ERBB2: variants seen among roughly 807,000 people sequenced by gnomAD.
ERBB2 encodes erb-b2 receptor tyrosine kinase 2.
Under a neutral mutation model 149.0 loss-of-function variants are expected in ERBB2, and 61 were observed. The ratio of observed to expected loss-of-function variants is 0.41; its 90% CI spans 0.33 to 0.51. The LOEUF (loss-of-function observed/expected upper bound fraction) is 0.51. Ranked by LOEUF, ERBB2 falls within the 20% of genes least tolerant of loss-of-function variation. ERBB2 has a pLI of 0.25. For missense variants in ERBB2, 1,205 were observed against 1,655.1 expected (o/e 0.73, Z 4.72); for synonymous variants, 633 against 678.8 (o/e 0.93, Z 1.05).
intron 20 of ERBB2, 25 bp downstream of exon 20, chr17:39,724,936 T>C (rs2145855762): frequency 6.2e-7 from 1 of 1,611,508 alleles, no homozygotes; most frequent in South Asian, 1.1e-5. Context: ...TCTTTGCAGG[T>C]CTCTCCGGAG....
In ERBB2 at chr17:39,727,635, G is replaced by A. The variant is rs2143276847; in HGVS notation, c.3413-54G>A. 1.9e-6 allele frequency: 3 copies of A among 1,554,344 alleles called. No individual in the cohort carries two copies. The highest frequency in any genetic ancestry group is 2.1e-5 in the Admixed American group (1 of 47,032). ...GTCCACTGTGGGGGCAGAGGGAGTGGCAGAGACACCGGGGTTCCTTCCCCT... is the reference window on the plus strand; with the variant it reads ...GTCCACTGTGGGGGCAGAGGGAGTGACAGAGACACCGGGGTTCCTTCCCCT... On this transcript the variant is annotated intron_variant, in intron 26 of 26. Transcript: ENST00000269571. This position sits in a 1 kb window ranked among gnomAD's most constrained non-coding sequence, Gnocchi z 4.3.
rs1337551062 is a variant in ERBB2 at position 39,715,472 on chromosome 17, G to A, written c.1249G>A (p.Asp417Asn). Residue 417 changes from aspartate to asparagine, a missense_variant, in exon 11 of 27, where the codon GAC becomes AAC. By Grantham distance (23) the Asp-to-Asn change is conservative. Coordinates refer to ENST00000269571, the MANE Select transcript of ERBB2 (RefSeq NM_004448.4). The stretch of plus-strand genomic sequence containing the variant: ...TTACCTATACATCTCAGCATGGCCG[G>A]ACAGCCTGCCTGACCTCAGCGTCTT... The part of the protein sequence containing the change: ...TGYLYISAWP[D>N]SLPDLSVFQN... 6.2e-7 allele frequency: 1 copy of A among 1,614,144 alleles called. No individual in the cohort carries two copies. Among genetic ancestry groups the A allele is most frequent in the Non-Finnish European group, 8.5e-7 (1 of 1,180,038 alleles).
chr17:39,694,142 C>T (rs1430918072), upstream of ERBB2, among the ~76,000 whole-genome samples: 2 of 126,430 alleles, frequency 1.6e-5, no homozygotes, highest in African/African-American at 3.0e-5. Flanking sequence ...TGCAGTGAGC[C>T]GACATCATGC....
At chr17:39,691,117 C>T (rs977306114), upstream of ERBB2, among the ~76,000 whole-genome samples, 3 of 151,910 alleles carry the variant, frequency 2.0e-5, no homozygotes, top group Non-Finnish European at 4.4e-5. Flanking sequence ...GGTAGAGAGT[C>T]TACAATGTGG....
chr17:39,725,888 G>A lies in ERBB2; in HGVS notation c.2872+35G>A, dbSNP rs767443815. 6.2e-7 allele frequency: 1 copy of A among 1,611,726 alleles called. No homozygotes were observed. Among genetic ancestry groups the A allele is most frequent in the Non-Finnish European group, 8.5e-7 (1 of 1,179,290 alleles). On this transcript the variant is annotated intron_variant, in intron 23 of 26. Coordinates refer to ENST00000269571, the MANE Select transcript of ERBB2 (RefSeq NM_004448.4). The surrounding 1 kb of genome is among the most constrained non-coding windows in gnomAD (Gnocchi z 4.6). ...TGAGCTGTGCTGGCTGCCTGGAGGA[G>A]GGTGGGAGGTCCTGGGTGGAGGAGC...
chr17:39,704,882 G>A (rs1201646050), intron 1 of ERBB2, among the ~76,000 whole-genome samples: 1 of 152,160 alleles, frequency 6.6e-6, no homozygotes, highest in East Asian at 1.9e-4. Flanking sequence ...CCTCCGTAGA[G>A]CCTGTGGTGT....
upstream of ERBB2, among the ~76,000 whole-genome samples, chr17:39,691,611 AC>A: frequency 6.9e-6 from 1 of 145,686 alleles, no homozygotes; most frequent in Non-Finnish European, 1.5e-5. Flanking sequence ...ATACCCTCTA[AC>A]CCAGGAATTT....
intron 19 of ERBB2, among the ~76,000 whole-genome samples, chr17:39,724,449 G>A (rs1280561998): frequency 1.3e-5 from 2 of 151,654 alleles, no homozygotes; most frequent in African/African-American, 2.4e-5. Context: ...TAGTAGAGAT[G>A]GGATTTCACC....
chr17:39,723,582 G>A lies in ERBB2; in HGVS notation c.2130G>A (p.Ala710=), dbSNP rs750389304. Reference sequence around the variant, plus strand: ...CTAGCGGAGCGATGCCCAACCAGGCGCAGATGCGGATCCTGAAAGAGACGG... The same window carrying A: ...CTAGCGGAGCGATGCCCAACCAGGCACAGATGCGGATCCTGAAAGAGACGG... ...LTPSGAMPNQ[A]QMRILKETEL... Residue 710 remains alanine (A), a synonymous_variant, in exon 18 of 27, where the codon GCG becomes GCA. Transcript: ENST00000269571. This position sits in a 1 kb window ranked among gnomAD's most constrained non-coding sequence, Gnocchi z 6.2. 1.1e-5 allele frequency: 17 copies of A among 1,609,518 alleles called. No individual in the cohort carries two copies. The highest frequency in any genetic ancestry group is 1.0e-4 in the South Asian group (9 of 90,398).
At chr17:39,718,336 C>T (rs751143905) in intron 15 of ERBB2, among the ~76,000 whole-genome samples, 20 of 152,158 alleles carry the variant, frequency 1.3e-4, no homozygotes, top group South Asian at 4.1e-4. Flanking sequence ...ACAAAGCCAA[C>T]GTGCCCTTTC....
Position 39,715,206 on chromosome 17 carries a change from G to A in ERBB2, c.1149-80G>A. 4 of 1,170,074 alleles carry A rather than the reference G, an allele frequency of 3.4e-6. No individual in the cohort carries two copies. The South Asian group carries it at 3.8e-5, about 11-fold the overall frequency. 72.5% of individuals were successfully genotyped at this position (1,170,074 alleles called of 1,614,324 possible). A position where few individuals can be genotyped will look rare whatever the true frequency, so the allele number is the denominator to read the frequency against. ...GTTTGAGTGAAGGCATTCATGGTGG[G>A]GAGTGGCTGGCATGGCCAGTGCTGG... On this transcript the variant is annotated intron_variant, in intron 9 of 26. Transcript: ENST00000269571.
chr17:39,689,773 T>A (rs2057651429), intron 2 of ERBB2, among the ~76,000 whole-genome samples: 1 of 151,854 alleles, frequency 6.6e-6, no homozygotes, highest in Non-Finnish European at 1.5e-5. Flanking sequence ...GGTGTGGTGG[T>A]GCATGCCTGT....
In ERBB2 at chr17:39,715,318, C is replaced by G. The variant is rs772548631; in HGVS notation, c.1181C>G (p.Pro394Arg). The G allele has an allele frequency of 6.2e-7, 1 of 1,614,098 alleles. No individual in the cohort carries two copies. The highest frequency in any genetic ancestry group is 8.5e-7 in the Non-Finnish European group (1 of 1,179,956). Residue 394 changes from proline (P) to arginine (R), a missense_variant, in exon 10 of 27, where the codon CCA becomes CGA. Physicochemically the swap from Pro to Arg is moderately radical, Grantham distance 103. Around this residue, in one of 6 missense-constraint regions of ERBB2, gnomAD observed 569 missense variants for 803.5 expected, o/e 0.71. Coordinates refer to ENST00000269571, the MANE Select transcript of ERBB2 (RefSeq NM_004448.4). ...DPASNTAPLQ[P>R]EQLQVFETLE... ...GCCTCCAACACTGCCCCGCTCCAGC[C>G]AGAGCAGCTCCAAGTGTTTGAGACT...
In ERBB2 at chr17:39,728,012, C is replaced by G. The variant is rs1185738894; in HGVS notation, c.3736C>G (p.Pro1246Ala). The change falls in exon 27 of 27, where the codon CCA (proline) becomes GCA (alanine). Residue 1246 changes from proline (P) to alanine (A), a missense_variant. Coordinates refer to ENST00000269571, the MANE Select transcript of ERBB2 (RefSeq NM_004448.4). The part of the protein sequence containing the change: ...TFKGTPTAEN[P>A]EYLGLDVPV ...CAAAGGGACACCTACGGCAGAGAAC[C>G]CAGAGTACCTGGGTCTGGACGTGCC... The G allele has an allele frequency of 6.2e-7, 1 of 1,607,782 alleles. No individual in the cohort carries two copies. The highest frequency in any genetic ancestry group is 8.5e-7 in the Non-Finnish European group (1 of 1,178,406).
In ERBB2 at chr17:39,700,314, G is replaced by T; in HGVS notation, c.73+3G>T. The T allele has an allele frequency of 7.1e-7, 1 of 1,409,242 alleles. No homozygotes were observed. The highest frequency in any genetic ancestry group is 1.5e-5 in the South Asian group (1 of 65,872). The allele number at this position is 1,409,242 out of a possible 1,614,324, so 87.3% of individuals were successfully genotyped here. A position where few individuals can be genotyped will look rare whatever the true frequency, so the allele number is the denominator to read the frequency against. On this transcript the variant is annotated splice_donor_region_variant and intron_variant, in intron 1 of 26. Transcript: ENST00000269571. ...CCCCGGAGCCGCGAGCACCCAAGGT[G>T]GGTCTGGTGTGGGGAGGGGACGGAG...
At chr17:39,708,937 A>G (rs1319881708) in intron 3 of ERBB2, among the ~76,000 whole-genome samples, 3 of 152,166 alleles carry the variant, frequency 2.0e-5, no homozygotes, top group African/African-American at 7.2e-5. Context: ...CATTCTACAT[A>G]TGAGAAAACT....
At chr17:39,700,646 C>G (rs910778163) in intron 1 of ERBB2, among the ~76,000 whole-genome samples, 12 of 152,284 alleles carry the variant, frequency 7.9e-5, no homozygotes, top group Middle Eastern at 6.8e-3. Context: ...GCGTTTCCCC[C>G]CTTCTTGAGC....
intron 15 of ERBB2, among the ~76,000 whole-genome samples, chr17:39,718,574 G>T (rs966463570): frequency 6.6e-6 from 1 of 152,124 alleles, no homozygotes; most frequent in East Asian, 1.9e-4. Flanking sequence ...GAGGCAGGCA[G>T]ATCACTTGAG....
Position 39,714,205 on chromosome 17 carries a change from G to A in ERBB2, c.1149-1081G>A, listed in dbSNP as rs2058985359. Among the ~76,000 whole-genome samples the A allele has an allele frequency of 2.0e-5, 3 of 152,148 alleles. No homozygotes were observed. In the South Asian group the frequency reaches 6.2e-4, roughly 31 times the overall value. ...CACACAGTGAAGTGTGGTTTTCGTCGTTTTGGTGGGGAGGTTGGTTTCTGT... is the reference window on the plus strand; with the variant it reads ...CACACAGTGAAGTGTGGTTTTCGTCATTTTGGTGGGGAGGTTGGTTTCTGT... On this transcript the variant is annotated intron_variant, in intron 9 of 26. Transcript: ENST00000269571.
Sources: allele counts gnomAD v4.1 joint callset (sites outside exome capture counted in the v4.1 genomes callset), GRCh38; gene constraint gnomAD v4.1.1; regional missense constraint gnomAD v4.1.1; non-coding constraint Gnocchi (gnomAD v3.1); transcripts MANE v1.5; gene names NCBI Gene and HGNC (gene_info 2026-07-23, HGNC 2026-07-21).